DENND1B: variants seen among roughly 807,000 people sequenced by gnomAD.
DENND1B encodes the protein DENN domain containing 1B.
A neutral mutation model predicts 90.1 loss-of-function variants in DENND1B; 59 were observed. The ratio of observed to expected loss-of-function variants is 0.65; its 90% confidence interval spans 0.53 to 0.81. The LOEUF (loss-of-function observed/expected upper bound fraction) is 0.81, where lower values mean the gene tolerates loss of function less well. Ranked by LOEUF, DENND1B falls within the 40% of genes least tolerant of loss-of-function variation. The pLI is 0.00. For synonymous variants in DENND1B, 337 were observed against 324.6 expected (o/e 1.04, Z -0.41); for missense variants, 862 against 912.6 (o/e 0.94, Z 0.71).
intron 13 of DENND1B, among the ~76,000 whole-genome samples, chr1:197,597,738 T>C (rs920582689): frequency 2.0e-5 from 3 of 151,958 alleles, no homozygotes; most frequent in Admixed American, 2.0e-4. Flanking sequence ...TAGTCAATGA[T>C]AGCTCCTGAG....
At chr1:197,543,810 T>C (rs1200588920) in intron 18 of DENND1B, among the ~76,000 whole-genome samples, 1 of 152,186 alleles carries the variant, frequency 6.6e-6, no homozygotes, top group Non-Finnish European at 1.5e-5. Flanking sequence ...AATATTTGAA[T>C]GGAATTTTTA....
At chr1:197,520,227 A>G (rs10801609) in intron 20 of DENND1B, among the ~76,000 whole-genome samples, 78,877 of 151,704 alleles carry the variant, frequency 0.52, 21,249 homozygotes, top group East Asian at 0.66. Flanking sequence ...TATTACATGC[A>G]TACTACTGCC....
chr1:197,775,900 C>G (rs995408229), upstream of DENND1B, among the ~76,000 whole-genome samples: 1 of 152,188 alleles, frequency 6.6e-6, no homozygotes, highest in Non-Finnish European at 1.5e-5. Context: ...TCTTGCGTCA[C>G]TCCAGCTGTG....
chr1:197,523,206 C>T (rs1433259902), intron 20 of DENND1B, among the ~76,000 whole-genome samples: 1 of 152,076 alleles, frequency 6.6e-6, no homozygotes, highest in South Asian at 2.1e-4. Context: ...TGCTGACAAA[C>T]TCACTGCCTC....
chr1:197,729,680 G>C (rs904286101), intron 2 of DENND1B, among the ~76,000 whole-genome samples: 18 of 152,090 alleles, frequency 1.2e-4, no homozygotes, highest in African/African-American at 4.3e-4. Context: ...TGCCACTGAC[G>C]TGTTTTTAGT....
intron 3 of DENND1B, among the ~76,000 whole-genome samples, chr1:197,704,556 C>CA (rs1659338097): frequency 6.6e-6 from 1 of 151,700 alleles, no homozygotes; most frequent in African/African-American, 2.4e-5. Context: ...TCCACTGTAT[C>CA]AAAAAAAGAA....
intron 2 of DENND1B, among the ~76,000 whole-genome samples, chr1:197,756,147 G>A (rs1239024004): frequency 6.6e-6 from 1 of 152,216 alleles, no homozygotes; most frequent in African/African-American, 2.4e-5. Flanking sequence ...GTCTAGGAAG[G>A]AAGAATTAAG....
At chr1:197,658,937 G>T (rs1304278840) in intron 5 of DENND1B, among the ~76,000 whole-genome samples, 1 of 150,486 alleles carries the variant, frequency 6.6e-6, no homozygotes, top group Non-Finnish European at 1.5e-5. Flanking sequence ...TTAATTCATT[G>T]TACTAGATAA....
intron 11 of DENND1B, among the ~76,000 whole-genome samples, chr1:197,613,717 G>A (rs1677387710): frequency 3.6e-4 from 2 of 5,560 alleles, no homozygotes; most frequent in South Asian, 0.11. Flanking sequence ...ACAAAATGAA[G>A]TTAGGCCATA....
intron 10 of DENND1B, among the ~76,000 whole-genome samples, chr1:197,620,033 T>C (rs1160640916): frequency 1.3e-5 from 2 of 151,220 alleles, no homozygotes; most frequent in Non-Finnish European, 3.0e-5. Flanking sequence ...AAAGGTAATA[T>C]AGCAAAAGTG....
At chr1:197,715,167 A>G in intron 2 of DENND1B, 93 bp from the exon 3 acceptor site, 1 of 931,782 alleles carries the variant, frequency 1.1e-6, no homozygotes. Flanking sequence ...TGTCAAAGCT[A>G]CTTTAATTAC....
chr1:197,573,453 A>G (rs1673362991), intron 15 of DENND1B, among the ~76,000 whole-genome samples: 1 of 152,182 alleles, frequency 6.6e-6, no homozygotes, highest in African/African-American at 2.4e-5. Flanking sequence ...AATTGTGGCA[A>G]TAATCAATAG....
intron 15 of DENND1B, among the ~76,000 whole-genome samples, chr1:197,578,234 TTTG>T (rs372241433): frequency 4.5e-4 from 68 of 151,702 alleles, no homozygotes; most frequent in South Asian, 6.3e-4. Flanking sequence ...GGTTTTTGTT[TTTG>T]TTGTTGTTGT....
intron 20 of DENND1B, among the ~76,000 whole-genome samples, chr1:197,537,616 AG>A (rs1438866449): frequency 6.6e-6 from 1 of 152,088 alleles, no homozygotes; most frequent in African/African-American, 2.4e-5. Flanking sequence ...GCTTGAGGGC[AG>A]TAATCATTTC....
At chr1:197,701,497 T>C (rs1036280239) in intron 3 of DENND1B, among the ~76,000 whole-genome samples, 1 of 151,490 alleles carries the variant, frequency 6.6e-6, no homozygotes, top group East Asian at 1.9e-4. Flanking sequence ...CCCTGGCACA[T>C]GTATGCCTAT....
chr1:197,571,746 T>C (rs890858739), intron 15 of DENND1B, among the ~76,000 whole-genome samples: 2 of 152,170 alleles, frequency 1.3e-5, no homozygotes, highest in African/African-American at 2.4e-5. Context: ...ATAATCCATA[T>C]GTAATTGTTA....
chr1:197,516,807 GC>G (rs1307447714), intron 20 of DENND1B, among the ~76,000 whole-genome samples: 1 of 151,664 alleles, frequency 6.6e-6, no homozygotes, highest in Non-Finnish European at 1.5e-5. Context: ...TATTAACTAT[GC>G]AGGACCTGAA....
intron 2 of DENND1B, among the ~76,000 whole-genome samples, chr1:197,729,850 G>A (rs1315469167): frequency 6.6e-6 from 1 of 152,026 alleles, no homozygotes; most frequent in African/African-American, 2.4e-5. Context: ...AATTAGTAAA[G>A]CACAAAAATC....
chr1:197,564,082 A>G (rs1436319664), intron 15 of DENND1B, among the ~76,000 whole-genome samples: 2 of 151,958 alleles, frequency 1.3e-5, no homozygotes, highest in Admixed American at 6.6e-5. Context: ...ATGAGATGAA[A>G]TCTACTCCTG....
Sources: gnomAD v4.1 joint callset for allele counts (sites outside exome capture counted in the v4.1 genomes callset) on GRCh38, gnomAD v4.1.1 for gene constraint, MANE v1.5 for transcripts, NCBI Gene and HGNC (gene_info 2026-07-23, HGNC 2026-07-21) for gene names.